Variants in PRKG1 observed in about 807,000 individuals in gnomAD.
The protein encoded by PRKG1 is protein kinase cGMP-dependent 1, also known as cGMP-dependent protein kinase 1.
PRKG1 carries 35 observed loss-of-function variants against 88.1 expected under a neutral mutation model. That is an observed-to-expected ratio of 0.40 (90% CI 0.30 to 0.53). The LOEUF (loss-of-function observed/expected upper bound fraction) is 0.53, where lower values mean the gene tolerates loss of function less well. Among genes scored for constraint, PRKG1 ranks in the 20% least tolerant of loss-of-function variants. The pLI is 0.59. For synonymous variants in PRKG1, 303 were observed against 292.5 expected (o/e 1.04, Z -0.37); for missense variants, 540 against 839.8 (o/e 0.64, Z 4.41).
chr10:51,748,661 C>T (rs1342169220), intron 3 of PRKG1, among the ~76,000 whole-genome samples: 1 of 152,062 alleles, frequency 6.6e-6, no homozygotes, highest in Admixed American at 6.6e-5. Context: ...GATGTTTAAG[C>T]CAAAATACGG....
At chr10:51,017,673 C>G (rs1268632852) in intron 1 of PRKG1, among the ~76,000 whole-genome samples, 1 of 152,158 alleles carries the variant, frequency 6.6e-6, no homozygotes, top group Non-Finnish European at 1.5e-5. Context: ...CTCTATTAAT[C>G]TGTGATCTCC....
chr10:52,239,493 AAAAAT>A (rs1435091346), intron 9 of PRKG1, among the ~76,000 whole-genome samples: 1 of 145,608 alleles, frequency 6.9e-6, no homozygotes, highest in East Asian at 2.0e-4. Context: ...GGAAAAAAAT[AAAAAT>A]AAAAATAAAA....
At chr10:51,207,991 G>A (rs1838107119) in intron 2 of PRKG1, among the ~76,000 whole-genome samples, 2 of 152,212 alleles carry the variant, frequency 1.3e-5, no homozygotes, top group Admixed American at 6.5e-5. Flanking sequence ...ATTATTAACT[G>A]AATGTCTTTG....
At chr10:51,990,445 G>A (rs11000395) in intron 5 of PRKG1, among the ~76,000 whole-genome samples, 1 of 151,930 alleles carries the variant, frequency 6.6e-6, no homozygotes, top group African/African-American at 2.4e-5. Context: ...AGTAATATCA[G>A]TTCTTCCAAT....
chr10:51,836,447 T>C (rs915818928), intron 4 of PRKG1, among the ~76,000 whole-genome samples: 3 of 152,118 alleles, frequency 2.0e-5, no homozygotes, highest in Non-Finnish European at 4.4e-5. Flanking sequence ...TATTTGCATT[T>C]GTTGCCCGTG....
At chr10:52,063,720 G>A (rs1846291055) in intron 7 of PRKG1, among the ~76,000 whole-genome samples, 1 of 152,172 alleles carries the variant, frequency 6.6e-6, no homozygotes, top group Non-Finnish European at 1.5e-5. Context: ...GTCCCAATGT[G>A]TGTTCAGCTC....
chr10:52,272,239 GCTT>G (rs905036528), intron 11 of PRKG1, among the ~76,000 whole-genome samples, 150 bp from the exon 12 acceptor site: 8 of 152,030 alleles, frequency 5.3e-5, no homozygotes, highest in Non-Finnish European at 8.8e-5. Flanking sequence ...TGAGCCATTG[GCTT>G]CTTTTCCCCA....
At chr10:51,184,546 T>C (rs1203863084) in intron 2 of PRKG1, among the ~76,000 whole-genome samples, 3 of 152,198 alleles carry the variant, frequency 2.0e-5, no homozygotes, top group Non-Finnish European at 4.4e-5. Context: ...AAGTTATCTA[T>C]ATAAGTTGTT....
intron 2 of PRKG1, among the ~76,000 whole-genome samples, chr10:51,400,598 G>C (rs293237): frequency 0.83 from 126,452 of 152,214 alleles, 53,013 homozygotes; most frequent in African/African-American, 0.88. Flanking sequence ...GACTCTTAAG[G>C]GATTCAGTAA....
intron 3 of PRKG1, among the ~76,000 whole-genome samples, chr10:51,577,038 T>C (rs1197068290): frequency 6.6e-6 from 1 of 151,994 alleles, no homozygotes; most frequent in Non-Finnish European, 1.5e-5. Context: ...TTCTATAAAG[T>C]TTACTATCAA....
intron 9 of PRKG1, among the ~76,000 whole-genome samples, chr10:52,184,228 A>C (rs887027013): frequency 6.6e-6 from 1 of 152,236 alleles, no homozygotes; most frequent in Non-Finnish European, 1.5e-5. Context: ...TTAACTTTGT[A>C]TTATTCAAGC....
chr10:52,114,128 C>T (rs974876108), intron 7 of PRKG1, among the ~76,000 whole-genome samples: 4 of 151,952 alleles, frequency 2.6e-5, no homozygotes, highest in Non-Finnish European at 2.9e-5. Flanking sequence ...TATGTTATTG[C>T]TCAGTTTAGG....
chr10:51,080,829 G>A (rs759072302), intron 1 of PRKG1, among the ~76,000 whole-genome samples: 14 of 152,196 alleles, frequency 9.2e-5, no homozygotes, highest in Non-Finnish European at 5.9e-5. Context: ...CTTCTGTAAC[G>A]ACTGTGTTCC....
chr10:51,595,211 A>G (rs1838413820), intron 3 of PRKG1, among the ~76,000 whole-genome samples: 1 of 152,150 alleles, frequency 6.6e-6, no homozygotes, highest in African/African-American at 2.4e-5. Context: ...AGCTGGAGGT[A>G]GTAGAGCATG....
At chr10:51,642,165 C>A (rs7476795) in intron 3 of PRKG1, among the ~76,000 whole-genome samples, 121,594 of 152,000 alleles carry the variant, frequency 0.8, 49,941 homozygotes, top group South Asian at 0.91. Flanking sequence ...GCCAAGGCGG[C>A]CGGATCACAA....
At chr10:51,566,227 G>A (rs896890643) in intron 3 of PRKG1, among the ~76,000 whole-genome samples, 3 of 152,044 alleles carry the variant, frequency 2.0e-5, no homozygotes, top group African/African-American at 7.2e-5. Flanking sequence ...ACTATGATAT[G>A]TCAAAGTTAG....
intron 1 of PRKG1, among the ~76,000 whole-genome samples, chr10:51,128,557 A>T (rs1248583066): frequency 2.0e-5 from 3 of 152,184 alleles, no homozygotes; most frequent in Non-Finnish European, 4.4e-5. Flanking sequence ...GTATGGCAGC[A>T]ACGTGACCTC....
intron 2 of PRKG1, among the ~76,000 whole-genome samples, chr10:51,316,549 G>A (rs537307167): frequency 3.9e-4 from 60 of 152,220 alleles, no homozygotes; most frequent in African/African-American, 1.4e-3. Flanking sequence ...AGGCCTGATG[G>A]CGGGCACCTG....
At chr10:52,058,404 G>C (rs1846160565) in intron 6 of PRKG1, among the ~76,000 whole-genome samples, 1 of 152,016 alleles carries the variant, frequency 6.6e-6, no homozygotes, top group Admixed American at 6.6e-5. Context: ...TGCAGTGAAA[G>C]GGTGTGACAA....
Sources: allele counts gnomAD v4.1 joint callset (sites outside exome capture counted in the v4.1 genomes callset), GRCh38; gene constraint gnomAD v4.1.1; transcripts MANE v1.5; gene names NCBI Gene and HGNC (gene_info 2026-07-23, HGNC 2026-07-21).